The following PTK2 variants were observed in gnomAD, a reference collection of about 807,000 sequenced individuals.
The protein encoded by PTK2 is protein tyrosine kinase 2.
In PTK2, 45 loss-of-function variants were observed where a neutral mutation model predicts 150.1. That is an observed-to-expected ratio of 0.30 (90% CI 0.24 to 0.38). PTK2 has a LOEUF of 0.38. Ranked by LOEUF, PTK2 falls within the 10% of genes least tolerant of loss-of-function variation. The pLI, the probability that PTK2 is intolerant of heterozygous loss-of-function variation, is 1.00. For synonymous variants in PTK2, 432 were observed against 449.2 expected (o/e 0.96, Z 0.48); for missense variants, 919 against 1,307.3 (o/e 0.70, Z 4.58).
At chr8:140,705,981 G>T in intron 24 of PTK2, 138 bp downstream of exon 27, 1 of 626,310 alleles carries the variant, frequency 1.6e-6, no homozygotes. Flanking sequence ...CAATGATTAG[G>T]GTAACCACTT....
intron 1 of PTK2, among the ~76,000 whole-genome samples, chr8:140,959,341 T>C (rs1372066571): frequency 4.8e-5 from 7 of 144,830 alleles, no homozygotes; most frequent in African/African-American, 1.3e-4. Context: ...CCATCCTGGC[T>C]AACACAGTGA....
chr8:140,679,808 C>T (rs185440833), intron 27 of PTK2, among the ~76,000 whole-genome samples: 40 of 152,302 alleles, frequency 2.6e-4, no homozygotes, highest in Middle Eastern at 3.4e-3. Flanking sequence ...ATCTACACGG[C>T]TTTCTAGTCA....
intron 11 of PTK2, among the ~76,000 whole-genome samples, chr8:140,803,206 G>A (rs1358045411): frequency 6.6e-6 from 1 of 151,122 alleles, no homozygotes; most frequent in Non-Finnish European, 1.5e-5. Context: ...ATAGAGACAG[G>A]GTTTCACCAT....
At chr8:140,728,671 C>T (rs1236683344) in intron 22 of PTK2, among the ~76,000 whole-genome samples, 2 of 152,126 alleles carry the variant, frequency 1.3e-5, no homozygotes, top group Non-Finnish European at 2.9e-5. Flanking sequence ...AGGCATCTGC[C>T]ACCACGCCCG....
chr8:140,895,265 C>T (rs910942643), intron 2 of PTK2, among the ~76,000 whole-genome samples: 4 of 152,128 alleles, frequency 2.6e-5, no homozygotes, highest in Non-Finnish European at 4.4e-5. Flanking sequence ...CAGTGAATCA[C>T]GCCTGTAATC....
intron 1 of PTK2, among the ~76,000 whole-genome samples, chr8:140,996,947 G>A (rs972499248): frequency 6.6e-6 from 1 of 152,182 alleles, no homozygotes; most frequent in Non-Finnish European, 1.5e-5. Flanking sequence ...TGATTCCTCT[G>A]ATAGATCTGG....
intron 22 of PTK2, among the ~76,000 whole-genome samples, chr8:140,722,076 G>A (rs1477665242): frequency 6.6e-6 from 1 of 152,204 alleles, no homozygotes; most frequent in African/African-American, 2.4e-5. Context: ...AGCCCTATCA[G>A]TGGAGCAGGT....
chr8:140,770,961 CTT>C lies in PTK2; in HGVS notation c.1178-6673_1178-6672del, dbSNP rs1664386327. On this transcript the variant is annotated intron_variant, in intron 14 of 31. Transcript: ENST00000522684. The stretch of plus-strand genomic sequence containing the variant: ...ATGCCTTATTTCTTACTATGATTGA[CTT>C]GAGTTTTAAAAAACATACTAATATT... 4 of 210,080 alleles carry C rather than the reference CTT, an allele frequency of 1.9e-5. No individual in the cohort carries two copies. The South Asian group carries it at 3.1e-4, about 16-fold the overall frequency. 13.0% of individuals were successfully genotyped at this position (210,080 alleles called of 1,614,324 possible).
intron 1 of PTK2, among the ~76,000 whole-genome samples, chr8:140,978,662 G>A (rs944576926): frequency 4.0e-5 from 6 of 151,758 alleles, no homozygotes; most frequent in African/African-American, 1.5e-4. Context: ...CACTGTTGGT[G>A]GGACTGTAAA....
At chr8:140,770,882 G>T in intron 14 of PTK2, 83 bp from the exon 15 acceptor site, 4 of 553,292 alleles carry the variant, frequency 7.2e-6, no homozygotes, top group Non-Finnish European at 1.0e-5. Context: ...ACATTTAAAG[G>T]CTTATCTATA....
At chr8:140,772,230 C>T (rs924432293) in intron 14 of PTK2, among the ~76,000 whole-genome samples, 3 of 152,090 alleles carry the variant, frequency 2.0e-5, no homozygotes, top group African/African-American at 7.2e-5. Context: ...GATGGGCCTG[C>T]CAGCCTGTGT....
chr8:140,699,658 T>TG (rs1486251055), intron 26 of PTK2, among the ~76,000 whole-genome samples: 20 of 152,312 alleles, frequency 1.3e-4, no homozygotes, highest in African/African-American at 4.8e-4. Context: ...TAAGCTGACA[T>TG]GGAAGCAGGA....
intron 8 of PTK2, among the ~76,000 whole-genome samples, chr8:140,827,477 A>G (rs1023050302): frequency 1.3e-5 from 2 of 152,194 alleles, no homozygotes; most frequent in African/African-American, 4.8e-5. Context: ...ATGGAAGCCT[A>G]AACGATAGCC....
At position 140,674,207 on chromosome 8, in the gene PTK2, C is replaced by G. The variant is rs558827517; in HGVS notation, c.2709+91G>C. The G allele has an allele frequency of 3.6e-5, 46 of 1,285,316 alleles. No homozygotes were observed. The South Asian group carries it at 5.3e-4, about 15-fold the overall frequency. The allele number at this position is 1,285,316 out of a possible 1,614,324, so 79.6% of individuals were successfully genotyped here. A position where few individuals can be genotyped will look rare whatever the true frequency, so the allele number is the denominator to read the frequency against. ...TGCACTGTTCTATTTTCAGCACCAA[C>G]TCCACTCTATGACATGAACACATCA... On this transcript the variant is annotated intron_variant, in intron 29 of 31. Coordinates refer to ENST00000522684, the Ensembl canonical transcript of PTK2.
At chr8:140,940,358 A>G (rs539541265) in intron 1 of PTK2, among the ~76,000 whole-genome samples, 1 of 152,260 alleles carries the variant, frequency 6.6e-6, no homozygotes, top group African/African-American at 2.4e-5. Flanking sequence ...TGAGAGACTC[A>G]GGCAGGCCTG....
rs1459389447 is a variant in PTK2, at chr8:140,750,895, CA to C, written c.1417+1336del. On this transcript the variant is annotated intron_variant, in intron 17 of 31. Transcript: ENST00000522684. Reference sequence around the variant, plus strand: ...AACTTTAGAATAGCCTGGGAAACAGCAAAAACCTGTCTCTCCACAAAACAAA... The same window carrying C: ...AACTTTAGAATAGCCTGGGAAACAGCAAAACCTGTCTCTCCACAAAACAAA... Among the ~76,000 whole-genome samples, 3 of 152,044 alleles carry C rather than the reference CA, an allele frequency of 2.0e-5. No homozygotes were observed. The East Asian group carries it at 5.8e-4, about 29-fold the overall frequency.
At chr8:140,827,295 T>C (rs1319922912) in intron 8 of PTK2, among the ~76,000 whole-genome samples, 1 of 152,038 alleles carries the variant, frequency 6.6e-6, no homozygotes, top group Non-Finnish European at 1.5e-5. Flanking sequence ...CTAGACAGCC[T>C]AGAAACAGAG....
chr8:140,781,206 A>G (rs117108091), intron 14 of PTK2, among the ~76,000 whole-genome samples: 238 of 152,316 alleles, frequency 1.6e-3, no homozygotes, highest in Non-Finnish European at 2.5e-3. Context: ...TTCTGCAAAG[A>G]AAAAAATAAC....
chr8:140,933,853 A>T (rs1411173762), intron 1 of PTK2, among the ~76,000 whole-genome samples: 4 of 152,172 alleles, frequency 2.6e-5, no homozygotes, highest in Non-Finnish European at 5.9e-5. Context: ...TTATACGTCA[A>T]TTTAAAAAAA....
Sources: allele counts gnomAD v4.1 joint callset (sites outside exome capture counted in the v4.1 genomes callset), GRCh38; gene constraint gnomAD v4.1.1; transcripts MANE v1.5; gene names NCBI Gene and HGNC (gene_info 2026-07-23, HGNC 2026-07-21).